Variants in SSBP3 observed in about 807,000 individuals in gnomAD.
The protein encoded by SSBP3 is single stranded DNA binding protein 3.
In SSBP3, 5 loss-of-function variants were observed where a neutral mutation model predicts 69.6. The ratio of observed to expected loss-of-function variants is 0.07; its 90% CI spans 0.04 to 0.15. The LOEUF (loss-of-function observed/expected upper bound fraction) is 0.15. SSBP3 is among the 10% of genes least tolerant of loss of function. The probability of loss-of-function intolerance (pLI) is 1.00; values close to 1 mark genes in which losing one functional copy is unlikely to be tolerated. For missense variants in SSBP3, 312 were observed against 534.0 expected (o/e 0.58, Z 4.10); for synonymous variants, 196 against 193.4 (o/e 1.01, Z -0.11).
intron 5 of SSBP3, among the ~76,000 whole-genome samples, chr1:54,267,454 C>G (rs546290388): frequency 2.6e-5 from 4 of 152,322 alleles, no homozygotes; most frequent in African/African-American, 9.6e-5. Context: ...CAGGGTGCAA[C>G]ACTTTAATAG....
chr1:54,270,777 G>A lies in SSBP3; in HGVS notation c.366+10661C>T, dbSNP rs563246112. On this transcript the variant is annotated intron_variant, in intron 5 of 17. Coordinates refer to ENST00000610401, the Ensembl canonical transcript of SSBP3. ...TGGGGCTTCATACACATCATCTCAC[G>A]GCATTCTCGCAGCCGACCTAAGATG... Among the ~76,000 whole-genome samples the A allele has an allele frequency of 1.6e-3, 242 of 152,296 alleles. 1 individual carries two copies. Among genetic ancestry groups the A allele is most frequent in the African/African-American group, 5.2e-3 (218 of 41,572 alleles).
Position 54,243,767 on chromosome 1 carries a change from C to A in SSBP3, c.652-468G>T, listed in dbSNP as rs574913800. Among the ~76,000 whole-genome samples the A allele has an allele frequency of 1.4e-4, 22 of 152,250 alleles. No individual in the cohort carries two copies. The South Asian group carries it at 4.6e-3, about 32-fold the overall frequency. ...AAGCCTGCCCGAGGCTGGTGCAGGC[C>A]CAGGCCTGGCACATACAGACACGCC... On this transcript the variant is annotated intron_variant, in intron 9 of 17. Transcript: ENST00000610401.
At chr1:54,259,405 T>A (rs1229679569) in intron 5 of SSBP3, among the ~76,000 whole-genome samples, 2 of 152,058 alleles carry the variant, frequency 1.3e-5, no homozygotes, top group Non-Finnish European at 2.9e-5. Flanking sequence ...CAAAGGACTC[T>A]CCTACCATGG....
At chr1:54,298,038 C>T (rs1022826528) in intron 4 of SSBP3, among the ~76,000 whole-genome samples, 1 of 152,166 alleles carries the variant, frequency 6.6e-6, no homozygotes, top group Non-Finnish European at 1.5e-5. Flanking sequence ...CTTCTGCCCC[C>T]TCATGCTCCC....
chr1:54,401,493 T>C (rs1272604391), intron 4 of SSBP3, among the ~76,000 whole-genome samples: 2 of 152,166 alleles, frequency 1.3e-5, no homozygotes, highest in African/African-American at 4.8e-5. Flanking sequence ...AAGTTTCCTA[T>C]TGGCTTTTGT....
chr1:54,404,870 G>C (rs764501023), exon 2 of SSBP3: 9 of 1,610,666 alleles, frequency 5.6e-6, no homozygotes, highest in Non-Finnish European at 7.6e-6. Context: ...CCGATAAGAA[G>C]GTCTGTGCAG....
intron 14 of SSBP3, among the ~76,000 whole-genome samples, chr1:54,235,391 C>G (rs1435900053): frequency 6.7e-6 from 1 of 149,420 alleles, no homozygotes; most frequent in Non-Finnish European, 1.5e-5. Context: ...AAGCGATTCT[C>G]CTGACTCAGC....
chr1:54,254,373 C>T (rs954099366), intron 7 of SSBP3, among the ~76,000 whole-genome samples: 2 of 152,210 alleles, frequency 1.3e-5, no homozygotes, highest in Non-Finnish European at 2.9e-5. Context: ...TCTCTGACAA[C>T]CCTGGATTCC....
intron 4 of SSBP3, among the ~76,000 whole-genome samples, chr1:54,286,079 T>C (rs139155864): frequency 1.3e-3 from 202 of 152,186 alleles, no homozygotes; most frequent in African/African-American, 4.2e-3. Context: ...GCACCTGGGT[T>C]TTAACTCTTC....
intron 17 of SSBP3, among the ~76,000 whole-genome samples, chr1:54,227,362 A>T (rs74810881): frequency 0.012 from 1,899 of 152,190 alleles, 45 homozygotes; most frequent in African/African-American, 0.044. Context: ...GGGAGCTAAG[A>T]GCCACTTCTC....
At chr1:54,345,467 C>T (rs899151652) in intron 4 of SSBP3, among the ~76,000 whole-genome samples, 4 of 152,160 alleles carry the variant, frequency 2.6e-5, no homozygotes, top group African/African-American at 9.7e-5. Context: ...CCTTTCCCCA[C>T]ACCTTCCTTC....
rs574575875 is a variant in SSBP3, at chr1:54,290,363, C to T, written c.277-8836G>A. Among the ~76,000 whole-genome samples the T allele has an allele frequency of 2.4e-3, 360 of 152,296 alleles. 1 individual carries two copies. The highest frequency in any genetic ancestry group is 3.5e-3 in the Non-Finnish European group (237 of 68,028). ...TCAGCCAAGGTACGGGTTCAGCAACCGGCGGCCCAGAGCCAGAGACACAGC... is the reference window on the plus strand; with the variant it reads ...TCAGCCAAGGTACGGGTTCAGCAACTGGCGGCCCAGAGCCAGAGACACAGC... On this transcript the variant is annotated intron_variant, in intron 4 of 17. Transcript: ENST00000610401.
intron 9 of SSBP3, among the ~76,000 whole-genome samples, chr1:54,247,345 C>A (rs1277838921): frequency 6.6e-6 from 1 of 152,222 alleles, no homozygotes; most frequent in African/African-American, 2.4e-5. Flanking sequence ...CTTTAGGACT[C>A]ACCTACCAGA....
chr1:54,269,747 C>A (rs1231566262), intron 5 of SSBP3, among the ~76,000 whole-genome samples: 2 of 152,220 alleles, frequency 1.3e-5, no homozygotes, highest in Non-Finnish European at 2.9e-5. Flanking sequence ...GGTCTGAGAG[C>A]CAGCAGCTCT....
At chr1:54,292,528 T>C (rs956709) in intron 4 of SSBP3, among the ~76,000 whole-genome samples, 12,232 of 152,116 alleles carry the variant, frequency 0.08, 989 homozygotes, top group East Asian at 0.33. Flanking sequence ...AGAACACTCC[T>C]GTGTTGTGAG....
chr1:54,300,792 G>A (rs1283451475), intron 4 of SSBP3, among the ~76,000 whole-genome samples: 1 of 152,158 alleles, frequency 6.6e-6, no homozygotes, highest in Non-Finnish European at 1.5e-5. Context: ...GCTCTCAGTG[G>A]ATACTGAAAG....
At chr1:54,298,294 C>T (rs1177197849) in intron 4 of SSBP3, among the ~76,000 whole-genome samples, 1 of 152,052 alleles carries the variant, frequency 6.6e-6, no homozygotes, top group African/African-American at 2.4e-5. Context: ...ACTACCATGC[C>T]GTACGGTCAC....
rs1248118855 is a variant in SSBP3 at position 54,310,085 on chromosome 1, C to A, written c.277-28558G>T. ...AGAGCTGGCAGCTGTCTGTTATTAT[C>A]CCAGCAACTCCAAGGGCCCCAGCAC... On this transcript the variant is annotated intron_variant, in intron 4 of 17. Transcript: ENST00000610401. Among the ~76,000 whole-genome samples the A allele has an allele frequency of 3.9e-5, 6 of 152,162 alleles. No homozygotes were observed. The East Asian group carries it at 1.2e-3, about 29-fold the overall frequency.
At chr1:54,391,654 G>A (rs1648504805) in intron 4 of SSBP3, among the ~76,000 whole-genome samples, 2 of 152,238 alleles carry the variant, frequency 1.3e-5, no homozygotes, top group Admixed American at 1.3e-4. Flanking sequence ...TCAGAGGACT[G>A]TGAAACAGAA....
Sources: allele counts gnomAD v4.1 joint callset (sites outside exome capture counted in the v4.1 genomes callset), GRCh38; gene constraint gnomAD v4.1.1; transcripts MANE v1.5; gene names NCBI Gene and HGNC (gene_info 2026-07-23, HGNC 2026-07-21).